Variants in ZNF345 observed in about 807,000 individuals in gnomAD.
ZNF345 encodes the protein zinc finger protein HZF10.
For missense variants in ZNF345, 527 were observed against 589.9 expected, an observed-to-expected ratio of 0.89 and a Z score of 1.10; for synonymous variants, 166 against 187.9, an observed-to-expected ratio of 0.88 and a Z score of 0.95.
At chr19:36,883,236 C>A (rs2695087), downstream of ZNF345, among the ~76,000 whole-genome samples, 3 of 152,136 alleles carry the variant, frequency 2.0e-5, no homozygotes, top group South Asian at 2.1e-4. Flanking sequence ...TTTAAAATAT[C>A]TTTTTCTATT....
chr19:36,890,563 C>G (rs1008619261), intron 3 of ZNF345: 2 of 151,222 alleles, frequency 1.3e-5, no homozygotes, highest in Non-Finnish European at 2.9e-5. Context: ...CTGTTTTGGC[C>G]ATCACGGTGG....
rs764914093 is a variant in ZNF345, at chr19:36,891,935, GT to G, written c.47-882del. On this transcript the variant is annotated intron_variant, in intron 3 of 3. Transcript: ENST00000526123. ...TTCTCACCAGTATGAATTCTCAGATGTAGAAAAAGTTGTGAACTTTTAGTAA... is the reference window on the plus strand; with the variant it reads ...TTCTCACCAGTATGAATTCTCAGATGAGAAAAAGTTGTGAACTTTTAGTAA... 21 of 1,613,882 alleles carry G rather than the reference GT, an allele frequency of 1.3e-5. No homozygotes were observed. In the African/African-American group the frequency reaches 2.3e-4, roughly 17 times the overall value.
intron 3 of ZNF345, chr19:36,888,748 T>C (rs1416540910): frequency 2.6e-5 from 4 of 152,108 alleles, no homozygotes; most frequent in African/African-American, 9.6e-5. Context: ...CCGGCTGGAG[T>C]GCAATGGCAT....
chr19:36,876,142 A>C (rs2146201226), intron 2 of ZNF345, among the ~76,000 whole-genome samples: 1 of 152,242 alleles, frequency 6.6e-6, no homozygotes, highest in African/African-American at 2.4e-5. Context: ...TTGGAGGCAA[A>C]CTTATTTCTT....
intron 2 of ZNF345, among the ~76,000 whole-genome samples, chr19:36,872,939 G>A (rs2072800223): frequency 6.6e-6 from 1 of 152,044 alleles, no homozygotes; most frequent in South Asian, 2.1e-4. Flanking sequence ...TGATTTTCAG[G>A]TTCCTCCGTT....
intron 2 of ZNF345, among the ~76,000 whole-genome samples, chr19:36,873,515 T>G (rs2072813252): frequency 6.6e-6 from 1 of 152,164 alleles, no homozygotes. Context: ...AAATCTACTC[T>G]CATCAAAAAT....
At chr19:36,875,960 C>G (rs1224664228) in intron 2 of ZNF345, among the ~76,000 whole-genome samples, 1 of 152,156 alleles carries the variant, frequency 6.6e-6, no homozygotes, top group East Asian at 1.9e-4. Flanking sequence ...CCATAATCAT[C>G]AAAGATGAGG....
intron 2 of ZNF345, among the ~76,000 whole-genome samples, chr19:36,856,422 G>T (rs912871193): frequency 2.6e-5 from 4 of 151,760 alleles, no homozygotes; most frequent in African/African-American, 9.7e-5. Flanking sequence ...TGCCTACTTG[G>T]TGATATTATA....
chr19:36,883,360 G>A (rs940815663), downstream of ZNF345, among the ~76,000 whole-genome samples: 2 of 152,128 alleles, frequency 1.3e-5, no homozygotes, highest in African/African-American at 4.8e-5. Flanking sequence ...CCTAAAGATT[G>A]AAGTTTTCTA....
intron 2 of ZNF345, among the ~76,000 whole-genome samples, chr19:36,864,938 A>G (rs931082070): frequency 6.6e-6 from 1 of 152,180 alleles, no homozygotes; most frequent in African/African-American, 2.4e-5. Context: ...ATTTGCCAGG[A>G]ATCCATCCTG....
chr19:36,883,794 A>G (rs755347363), downstream of ZNF345, among the ~76,000 whole-genome samples: 1 of 152,200 alleles, frequency 6.6e-6, no homozygotes, highest in Non-Finnish European at 1.5e-5. Flanking sequence ...TCATGCAACA[A>G]TAAGGATGGC....
intron 2 of ZNF345, among the ~76,000 whole-genome samples, chr19:36,855,991 C>G (rs189417908): frequency 5.4e-4 from 82 of 152,262 alleles, no homozygotes; most frequent in African/African-American, 2.0e-3. Flanking sequence ...CTGATTTCAC[C>G]CATACCACTT....
intron 3 of ZNF345, chr19:36,892,487 A>G (rs779598537): frequency 6.5e-7 from 1 of 1,541,136 alleles, no homozygotes; most frequent in East Asian, 2.3e-5. Context: ...AGAAAATACA[A>G]AGGCAAATAA....
intron 3 of ZNF345, among the ~76,000 whole-genome samples, chr19:36,886,759 G>GGGC (rs1190603780): frequency 6.6e-6 from 1 of 151,752 alleles, no homozygotes; most frequent in Non-Finnish European, 1.5e-5. Context: ...AGGCCGAGGC[G>GGGC]GGCGGATCAC....
chr19:36,862,120 C>G (rs1463752502), intron 2 of ZNF345, among the ~76,000 whole-genome samples: 6 of 152,084 alleles, frequency 3.9e-5, no homozygotes, highest in Non-Finnish European at 8.8e-5. Flanking sequence ...CTCAGCCTCC[C>G]AAAGTGCTGG....
downstream of ZNF345, among the ~76,000 whole-genome samples, chr19:36,879,886 A>G (rs576746281): frequency 4.6e-5 from 7 of 152,330 alleles, no homozygotes; most frequent in African/African-American, 1.7e-4. Flanking sequence ...ACCCATCACT[A>G]TTATCTTCTC....
At chr19:36,857,118 C>G (rs2072435929) in intron 2 of ZNF345, among the ~76,000 whole-genome samples, 1 of 151,962 alleles carries the variant, frequency 6.6e-6, no homozygotes, top group South Asian at 2.1e-4. Context: ...TTATCTTTAT[C>G]ACGAATTGTA....
In ZNF345 at chr19:36,877,431, C is replaced by G. The variant is rs779148532; in HGVS notation, c.601C>G (p.Pro201Ala). 4.3e-6 allele frequency: 7 copies of G among 1,613,862 alleles called. No homozygotes were observed. The African/African-American group carries it at 8.0e-5, about 18-fold the overall frequency. ...TCACAGAATTCACACAGGTGAGAAA[C>G]CTTATGAATGTATAGATTGTGGTAA... ...RHHRIHTGEKPYECIDCGKAF... is the reference protein window; with the variant it reads ...RHHRIHTGEKAYECIDCGKAF... The change falls in exon 3 of 3, where the codon CCT becomes GCT. Residue 201 changes from proline (P) to alanine (A), a missense_variant. By Grantham distance (27) the Pro-to-Ala change is conservative. Coordinates refer to ENST00000420450, the MANE Select transcript of ZNF345 (RefSeq NM_001242472.2).
Position 36,877,840 on chromosome 19 carries a change from C to T in ZNF345, c.1010C>T (p.Thr337Ile), listed in dbSNP as rs1166025257. Residue 337 changes from threonine to isoleucine, a missense_variant, in exon 3 of 3, where the codon ACT becomes ATT. Physicochemically the swap from Thr to Ile is moderately conservative, Grantham distance 89. Coordinates refer to ENST00000420450, the MANE Select transcript of ZNF345 (RefSeq NM_001242472.2). ...SKLIQHQRMHTGEKPYECKEC... is the reference protein window; with the variant it reads ...SKLIQHQRMHIGEKPYECKEC... ...CTTATTCAGCATCAAAGAATGCATA[C>T]TGGAGAGAAACCTTATGAATGTAAG... The T allele has an allele frequency of 3.1e-6, 5 of 1,613,548 alleles. No individual in the cohort carries two copies. The highest frequency in any genetic ancestry group is 3.4e-6 in the Non-Finnish European group (4 of 1,179,906).
Sources: allele counts gnomAD v4.1 joint callset (sites outside exome capture counted in the v4.1 genomes callset), GRCh38; gene constraint gnomAD v4.1.1; transcripts MANE v1.5; gene names NCBI Gene and HGNC (gene_info 2026-07-23, HGNC 2026-07-21).